Variants in LPP observed in about 807,000 individuals in gnomAD.
LPP encodes lipoma-preferred partner.
Under a neutral mutation model 60.4 loss-of-function variants are expected in LPP, and 38 were observed. That is an observed-to-expected ratio of 0.63 (90% CI 0.49 to 0.83). The LOEUF (loss-of-function observed/expected upper bound fraction) is 0.83. Among genes scored for constraint, LPP ranks in the 40% least tolerant of loss-of-function variants. The probability of loss-of-function intolerance (pLI) is 0.00; values close to 1 mark genes in which losing one functional copy is unlikely to be tolerated. For synonymous variants in LPP, 328 were observed against 290.8 expected (o/e 1.13, Z -1.30); for missense variants, 902 against 783.6 (o/e 1.15, Z -1.80).
intron 6 of LPP, among the ~76,000 whole-genome samples, chr3:188,558,499 T>G (rs1829984042): frequency 6.6e-6 from 1 of 151,826 alleles, no homozygotes; most frequent in Non-Finnish European, 1.5e-5. Flanking sequence ...AGATTCAACT[T>G]CCTTGACAAG....
intron 8 of LPP, among the ~76,000 whole-genome samples, chr3:188,746,082 C>T (rs1726090896): frequency 6.6e-6 from 1 of 152,130 alleles, no homozygotes; most frequent in East Asian, 1.9e-4. Flanking sequence ...CTTTAAGAGA[C>T]ACCATCACTC....
chr3:188,657,258 G>GTATGTATATATATATATATATATATA (rs1853438649), intron 7 of LPP, among the ~76,000 whole-genome samples: 1 of 89,812 alleles, frequency 1.1e-5, no homozygotes, highest in Non-Finnish European at 2.1e-5. Flanking sequence ...CTGTCAAGGT[G>GTATGTATATATATATATATATATATA]TATATATATA....
At chr3:188,266,069 G>T (rs1451225797) in intron 2 of LPP, among the ~76,000 whole-genome samples, 3 of 152,066 alleles carry the variant, frequency 2.0e-5, no homozygotes, top group South Asian at 2.1e-4. Context: ...GGCAATGCAG[G>T]CTTCTAGAAG....
chr3:188,240,276 T>C (rs972588405), intron 2 of LPP: 3 of 170,794 alleles, frequency 1.8e-5, no homozygotes, highest in South Asian at 2.0e-4. Flanking sequence ...GGAACATGGG[T>C]AGGAATAGCT....
intron 8 of LPP, among the ~76,000 whole-genome samples, chr3:188,752,396 A>G (rs1233380049): frequency 1.3e-5 from 2 of 152,228 alleles, no homozygotes; most frequent in South Asian, 2.1e-4. Flanking sequence ...TAGGCTGCCA[A>G]TAGCTAGTAA....
intron 3 of LPP, among the ~76,000 whole-genome samples, chr3:188,373,939 C>T (rs4419371): frequency 0.9 from 136,730 of 152,098 alleles, 63,163 homozygotes; most frequent in Non-Finnish European, 1. Context: ...TGGCCAGTTT[C>T]CCCAGCACCA....
intron 9 of LPP, among the ~76,000 whole-genome samples, chr3:188,847,220 ACT>A (rs1057241378): frequency 1.3e-5 from 2 of 152,068 alleles, no homozygotes; most frequent in South Asian, 2.1e-4. Flanking sequence ...TGAGTGTGAG[ACT>A]CTTGGAGTAA....
At chr3:188,370,407 C>A (rs1772678199) in intron 3 of LPP, among the ~76,000 whole-genome samples, 1 of 152,176 alleles carries the variant, frequency 6.6e-6, no homozygotes. Flanking sequence ...GTGGGTAACT[C>A]TCTAGCAATC....
chr3:188,856,945 A>T (rs752046423), intron 9 of LPP, among the ~76,000 whole-genome samples: 4 of 152,176 alleles, frequency 2.6e-5, no homozygotes, highest in Non-Finnish European at 5.9e-5. Flanking sequence ...ACAATTTTTC[A>T]TTGGCTATGT....
chr3:188,624,898 A>T (rs1301622592), intron 7 of LPP, among the ~76,000 whole-genome samples: 2 of 145,954 alleles, frequency 1.4e-5, no homozygotes, highest in Non-Finnish European at 3.0e-5. Flanking sequence ...CCCTTCCTTC[A>T]TTCCTTCCTT....
intron 2 of LPP, among the ~76,000 whole-genome samples, chr3:188,275,684 C>CT (rs11370108): frequency 0.73 from 109,717 of 151,274 alleles, 40,949 homozygotes; most frequent in African/African-American, 0.9. Flanking sequence ...ATTCCAGGAA[C>CT]TTTTTTTTTC....
Position 188,695,214 on chromosome 3 carries a change from C to T in LPP, c.1114-13053C>T, listed in dbSNP as rs764942191. ...CTTGTAAATTATACATAAATTAATA[C>T]ATAAATTAAATACTAATGTATTTCT... On this transcript the variant is annotated intron_variant, in intron 7 of 11. Coordinates refer to ENST00000617246, the MANE Select transcript of LPP (RefSeq NM_001375462.1). Among the ~76,000 whole-genome samples the T allele has an allele frequency of 1.2e-3, 190 of 152,276 alleles. 1 individual carries two copies. The highest frequency in any genetic ancestry group is 1.6e-3 in the Non-Finnish European group (107 of 68,038).
At chr3:188,874,250 A>G in intron 11 of LPP, 101 bp from the exon 12 acceptor site, 1 of 1,117,390 alleles carries the variant, frequency 8.9e-7, no homozygotes, top group Non-Finnish European at 1.3e-6. Context: ...GTAAGTGGCC[A>G]CATTATGGAG....
At chr3:188,598,281 A>C (rs1045946650) in intron 6 of LPP, among the ~76,000 whole-genome samples, 7 of 152,130 alleles carry the variant, frequency 4.6e-5, no homozygotes, top group African/African-American at 1.7e-4. Flanking sequence ...CAGGAAGGCA[A>C]TGATCATATT....
chr3:188,735,468 G>A (rs568651074), intron 8 of LPP, among the ~76,000 whole-genome samples: 8 of 152,068 alleles, frequency 5.3e-5, no homozygotes, highest in South Asian at 2.1e-4. Context: ...TGCAACCTCT[G>A]CCTCCTGGGT....
In LPP at chr3:188,806,003, A is replaced by G. The variant is rs867792027; in HGVS notation, c.1410+45721A>G. 2.0e-5 allele frequency among the ~76,000 whole-genome samples: 3 copies of G among 151,970 alleles called. 1 individual carries two copies. Among genetic ancestry groups the G allele is most frequent in the Middle Eastern group, 6.9e-3 (2 of 290 alleles). ...TTGTTTTATGTGCTAGAAATATGGT[A>G]TATCTTGGTTAATGCTCTGCACATT... On this transcript the variant is annotated intron_variant, in intron 9 of 11. Coordinates refer to ENST00000617246, the MANE Select transcript of LPP (RefSeq NM_001375462.1).
chr3:188,240,768 C>T (rs1210189334), intron 2 of LPP, among the ~76,000 whole-genome samples: 1 of 152,028 alleles, frequency 6.6e-6, no homozygotes, highest in Non-Finnish European at 1.5e-5. Flanking sequence ...AAGGGAGGGG[C>T]GAGCTCCAAA....
At chr3:188,724,631 A>G (rs1717691691) in intron 8 of LPP, among the ~76,000 whole-genome samples, 1 of 152,148 alleles carries the variant, frequency 6.6e-6, no homozygotes, top group African/African-American at 2.4e-5. Flanking sequence ...TGTTGTTAAT[A>G]ACACTTGAAA....
At position 188,609,657 on chromosome 3, in the gene LPP, G is replaced by T; in HGVS notation, c.926G>T (p.Gly309Val). 6.2e-7 allele frequency: 1 copy of T among 1,614,120 alleles called. No individual in the cohort carries two copies. Reference protein sequence around the residue: ...GYYAAGPGYGGRNDSDPTYGQ... With the variant: ...GYYAAGPGYGVRNDSDPTYGQ... The stretch of plus-strand genomic sequence containing the variant: ...TATGCAGCAGGGCCAGGCTATGGGG[G>T]CAGAAATGACTCTGACCCTACCTAT... Residue 309 changes from glycine (G) to valine (V), a missense_variant, in exon 7 of 12, where the codon GGC becomes GTC. Transcript: ENST00000617246. The surrounding 1 kb of genome is among the most constrained non-coding windows in gnomAD (Gnocchi z 6.9).
Sources: gnomAD v4.1 joint callset for allele counts (sites outside exome capture counted in the v4.1 genomes callset) on GRCh38, gnomAD v4.1.1 for gene constraint, Gnocchi (gnomAD v3.1) non-coding constraint, MANE v1.5 for transcripts, NCBI Gene and HGNC (gene_info 2026-07-23, HGNC 2026-07-21) for gene names.